CMAS: variants seen among roughly 807,000 people sequenced by gnomAD.
The protein encoded by CMAS is cytidine monophosphate N-acetylneuraminic acid synthetase.
A neutral mutation model predicts 53.4 loss-of-function variants in CMAS; 21 were observed. That is an observed-to-expected ratio of 0.39 (90% CI 0.28 to 0.57). The LOEUF (loss-of-function observed/expected upper bound fraction) is 0.57, where lower values mean the gene tolerates loss of function less well. Ranked by LOEUF, CMAS falls within the 20% of genes least tolerant of loss-of-function variation. The pLI is 0.56. For missense variants in CMAS, 384 were observed against 534.9 expected, an observed-to-expected ratio of 0.72 and a Z score of 2.78; for synonymous variants, 189 against 195.2, an observed-to-expected ratio of 0.97 and a Z score of 0.27.
In CMAS at chr12:22,062,384, A is replaced by T; in HGVS notation, c.1064A>T (p.Asp355Val). The change falls in exon 7 of 8, where the codon GAT (aspartate) becomes GTT (valine). Residue 355 changes from aspartate to valine, a missense_variant. By Grantham distance (152) the Asp-to-Val change is radical (BLOSUM62 -3). This residue lies in a region of CMAS where 134 missense variants were observed against 154.6 expected (regional missense o/e 0.87). Coordinates refer to ENST00000229329, the MANE Select transcript of CMAS (RefSeq NM_018686.6). ...VSVSDKLAVVDEWRKEMGLCW... is the reference protein window; with the variant it reads ...VSVSDKLAVVVEWRKEMGLCW... The stretch of plus-strand genomic sequence containing the variant: ...GTATCAGACAAGCTAGCAGTTGTAG[A>T]TGAATGGAGAAAAGAAATGGGCCTG... The T allele has an allele frequency of 6.2e-7, 1 of 1,613,710 alleles. No homozygotes were observed. Among genetic ancestry groups the T allele is most frequent in the Non-Finnish European group, 8.5e-7 (1 of 1,179,824 alleles).
At position 22,058,681 on chromosome 12, in the gene CMAS, TA is replaced by T. The variant is rs1441920196; in HGVS notation, c.675del (p.Ile225MetfsTer24). 1 of 1,613,434 alleles carries T rather than the reference TA, an allele frequency of 6.2e-7. No homozygotes were observed. The highest frequency in any genetic ancestry group is 8.5e-7 in the Non-Finnish European group (1 of 1,179,728). On this transcript the variant is annotated frameshift_variant, in exon 4 of 8. Transcript: ENST00000229329. LOFTEE classifies it high-confidence loss of function. ...GSFYFAKRHLIEMGYLQGGKM... is the reference protein window; with the variant it reads ...GSFYFAKRHLXEMGYLQGGKM... ...TTTTATTTTGCTAAAAGACATTTGA[TA>T]GAGATGGGTTACTTGCAGGTTTGTA...
intron 7 of CMAS, among the ~76,000 whole-genome samples, chr12:22,064,594 G>A (rs768078245): frequency 2.6e-5 from 4 of 151,842 alleles, no homozygotes; most frequent in Non-Finnish European, 1.5e-5. Context: ...TGGGTTTAAT[G>A]ATATTCTGTC....
chr12:22,056,121 G>GT (rs1374084244), intron 3 of CMAS, among the ~76,000 whole-genome samples: 1 of 152,022 alleles, frequency 6.6e-6, no homozygotes, highest in African/African-American at 2.4e-5. Context: ...TAAACACTGT[G>GT]TTTTTCCATT....
intron 1 of CMAS, among the ~76,000 whole-genome samples, chr12:22,048,675 A>C (rs891593043): frequency 2.6e-5 from 4 of 152,160 alleles, no homozygotes; most frequent in African/African-American, 9.7e-5. Context: ...CTGTTTCCTC[A>C]AGGACCTGGG....
chr12:22,057,988 CG>C (rs1950279794), intron 3 of CMAS, among the ~76,000 whole-genome samples: 1 of 151,548 alleles, frequency 6.6e-6, no homozygotes, highest in Non-Finnish European at 1.5e-5. Flanking sequence ...CCACCATGCC[CG>C]GCTAAATTTG....
Position 22,055,536 on chromosome 12 carries a change from G to T in CMAS, c.485G>T (p.Arg162Leu). The stretch of plus-strand genomic sequence containing the variant: ...CTTCAAAAAGTTGCAGAAATGATTC[G>T]AGAAGAAGGATATGATTCTGTTTTC... Reference protein sequence around the residue: ...TDLQKVAEMIREEGYDSVFSV... With the variant: ...TDLQKVAEMILEEGYDSVFSV... The change falls in exon 3 of 8, where the codon CGA becomes CTA. Residue 162 changes from arginine (R) to leucine (L), a missense_variant. By Grantham distance (102) the Arg-to-Leu change is moderately radical (BLOSUM62 -2). Coordinates refer to ENST00000229329, the MANE Select transcript of CMAS (RefSeq NM_018686.6). The T allele has an allele frequency of 1.9e-6, 3 of 1,612,412 alleles. No individual in the cohort carries two copies. Among genetic ancestry groups the T allele is most frequent in the Non-Finnish European group, 2.5e-6 (3 of 1,179,576 alleles).
chr12:22,049,682 G>A (rs891145459), intron 1 of CMAS, among the ~76,000 whole-genome samples: 1 of 152,122 alleles, frequency 6.6e-6, no homozygotes, highest in African/African-American at 2.4e-5. Flanking sequence ...GAGGCCGAAG[G>A]CAGGCGGAGG....
chr12:22,064,675 CCTT>C (rs936880144), intron 7 of CMAS, among the ~76,000 whole-genome samples: 23 of 152,116 alleles, frequency 1.5e-4, no homozygotes, highest in African/African-American at 5.3e-4. Flanking sequence ...TCTGGGAATT[CCTT>C]CTTCTCCCTT....
chr12:22,059,153 T>G (rs940837094), intron 4 of CMAS, among the ~76,000 whole-genome samples: 24 of 114,576 alleles, frequency 2.1e-4, no homozygotes, highest in African/African-American at 7.6e-4. Context: ...TATATATTTT[T>G]TTTTTTTTTT....
At position 22,065,372 on chromosome 12, in the gene CMAS, TTTGA is replaced by T. The variant is rs1950340318; in HGVS notation, c.*64_*67del. The stretch of plus-strand genomic sequence containing the variant: ...CTTCTTCAGCCAGTTTGCTTTTATT[TTTGA>T]TTAAGTAAATTCCATGTTGTAATGT... On this transcript the variant is annotated 3_prime_UTR_variant, in exon 8 of 8. Coordinates refer to ENST00000229329, the MANE Select transcript of CMAS (RefSeq NM_018686.6). 3 of 1,303,630 alleles carry T rather than the reference TTTGA, an allele frequency of 2.3e-6. No homozygotes were observed. Among genetic ancestry groups the T allele is most frequent in the Non-Finnish European group, 2.2e-6 (2 of 921,302 alleles). The allele number at this position is 1,303,630 out of a possible 1,614,324, so 80.8% of individuals were successfully genotyped here.
intron 4 of CMAS, among the ~76,000 whole-genome samples, chr12:22,060,333 TAAAAAAAAAAAAA>T (rs58755366): frequency 3.7e-5 from 2 of 54,136 alleles, no homozygotes; most frequent in East Asian, 7.0e-4. Context: ...GCTTTCTCCT[TAAAAAAAAAAAAA>T]AAAAAAAAAA....
At chr12:22,054,232 T>C (rs1436319315) in intron 1 of CMAS, among the ~76,000 whole-genome samples, 1 of 152,016 alleles carries the variant, frequency 6.6e-6, no homozygotes, top group Non-Finnish European at 1.5e-5. Context: ...TGACCAAACA[T>C]TGTGGCTAGA....
chr12:22,065,162 C>T lies in CMAS; in HGVS notation c.1156C>T (p.Leu386=). 6.2e-7 allele frequency: 1 copy of T among 1,613,640 alleles called. No homozygotes were observed. The highest frequency in any genetic ancestry group is 8.5e-7 in the Non-Finnish European group (1 of 1,179,700). The change falls in exon 8 of 8, where the codon CTA becomes TTA. Residue 386 remains leucine (L), a synonymous_variant. Coordinates refer to ENST00000229329, the MANE Select transcript of CMAS (RefSeq NM_018686.6). Reference sequence around the variant, plus strand: ...TGAAGAGTGCTTGAAGAGAGTGGGCCTAAGTGGCGCTCCTGCTGATGCCTG... The same window carrying T: ...TGAAGAGTGCTTGAAGAGAGTGGGCTTAAGTGGCGCTCCTGCTGATGCCTG... ...SDEECLKRVG[L]SGAPADACST...
chr12:22,050,279 C>T (rs912810157), intron 1 of CMAS, among the ~76,000 whole-genome samples: 1 of 152,222 alleles, frequency 6.6e-6, no homozygotes, highest in Admixed American at 6.5e-5. Flanking sequence ...GGGTAAATCG[C>T]TTAACCTCTC....
At chr12:22,064,731 C>T (rs1049485292) in intron 7 of CMAS, among the ~76,000 whole-genome samples, 3 of 152,178 alleles carry the variant, frequency 2.0e-5, no homozygotes, top group Non-Finnish European at 4.4e-5. Context: ...AACAATATTA[C>T]TAAGTGATTT....
At chr12:22,063,642 G>C (rs1347090824) in intron 7 of CMAS, 1 of 151,102 alleles carries the variant, frequency 6.6e-6, no homozygotes, top group East Asian at 1.9e-4. Context: ...TACAAATAGT[G>C]ATAATTAGGA....
At chr12:22,050,991 A>T (rs1950237282) in intron 1 of CMAS, among the ~76,000 whole-genome samples, 2 of 152,090 alleles carry the variant, frequency 1.3e-5, no homozygotes, top group African/African-American at 2.4e-5. Flanking sequence ...TTTCTTCAAA[A>T]AATGTTTACC....
intron 1 of CMAS, among the ~76,000 whole-genome samples, chr12:22,053,775 A>G (rs1245112048): frequency 6.7e-6 from 1 of 148,786 alleles, no homozygotes; most frequent in East Asian, 2.1e-4. Context: ...GCTACTTGGG[A>G]GGCTGAGGCA....
chr12:22,049,261 C>T (rs1950225210), intron 1 of CMAS, among the ~76,000 whole-genome samples: 1 of 152,052 alleles, frequency 6.6e-6, no homozygotes, highest in Non-Finnish European at 1.5e-5. Context: ...GCGATGGAGC[C>T]CCCGCTGAAA....
Sources: allele counts gnomAD v4.1 joint callset (sites outside exome capture counted in the v4.1 genomes callset), GRCh38; gene constraint gnomAD v4.1.1; regional missense constraint gnomAD v4.1.1; transcripts MANE v1.5; gene names NCBI Gene and HGNC (gene_info 2026-07-23, HGNC 2026-07-21).